NOX4: variants seen among roughly 807,000 people sequenced by gnomAD.
The protein encoded by NOX4 is kidney oxidase-1.
Under a neutral mutation model 87.6 loss-of-function variants are expected in NOX4, and 69 were observed. The ratio of observed to expected loss-of-function variants is 0.79; its 90% CI spans 0.65 to 0.96. The LOEUF is 0.96. Ranked by LOEUF, NOX4 falls within the 40% of genes least tolerant of loss-of-function variation. NOX4 has a pLI of 0.00. For missense variants in NOX4, 680 were observed against 681.5 expected (o/e 1.00, Z 0.02); for synonymous variants, 275 against 238.2 (o/e 1.15, Z -1.42).
Position 89,361,493 on chromosome 11 carries a change from A to G in NOX4, c.1136-6450T>C, listed in dbSNP as rs145250221. Among the ~76,000 whole-genome samples, 103 of 152,208 alleles carry G rather than the reference A, an allele frequency of 6.8e-4. No homozygotes were observed. In the East Asian group the frequency reaches 0.018, roughly 26 times the overall value. ...AGTCGGGTGAGGGATAAAAAACTAC[A>G]TATTGGGTACAGTGTACATTGCTTG... On this transcript the variant is annotated intron_variant, in intron 12 of 17. Transcript: ENST00000263317.
Position 89,325,237 on chromosome 11 carries a change from C to T in NOX4, c.*1519G>A, listed in dbSNP as rs1250509832. 6.9e-6 allele frequency: 1 copy of T among 145,924 alleles called. No homozygotes were observed. The highest frequency in any genetic ancestry group is 2.6e-5 in the African/African-American group (1 of 38,932). 9.0% of individuals were successfully genotyped at this position (145,924 alleles called of 1,614,324 possible). A position where few individuals can be genotyped will look rare whatever the true frequency, so the allele number is the denominator to read the frequency against. On this transcript the variant is annotated 3_prime_UTR_variant, in exon 18 of 18. Coordinates refer to ENST00000263317, the MANE Select transcript of NOX4 (RefSeq NM_016931.5). ...CCCACCGGGTTCAAGCGATTCTTTG[C>T]CTCAGTCTCCCGAGTAGTTGGGATT... is the stretch of plus-strand genomic sequence containing the variant.
chr11:89,391,430 T>A (rs376067957), intron 11 of NOX4, among the ~76,000 whole-genome samples: 2 of 151,730 alleles, frequency 1.3e-5, no homozygotes, highest in East Asian at 3.9e-4. Context: ...AGTGGGAAAA[T>A]GAGAAAGCAT....
At chr11:89,351,313 G>T (rs771436702) in intron 13 of NOX4, among the ~76,000 whole-genome samples, 1 of 152,154 alleles carries the variant, frequency 6.6e-6, no homozygotes, top group South Asian at 2.1e-4. Context: ...TAGAAGAAGT[G>T]GTTCATGAGG....
intron 5 of NOX4, among the ~76,000 whole-genome samples, chr11:89,442,163 A>T (rs1410048855): frequency 6.6e-6 from 1 of 151,638 alleles, no homozygotes; most frequent in Non-Finnish European, 1.5e-5. Flanking sequence ...ATAAAGAGAG[A>T]CATGAAAGAA....
intron 14 of NOX4, among the ~76,000 whole-genome samples, chr11:89,340,878 C>T (rs1426934186): frequency 6.6e-6 from 1 of 151,912 alleles, no homozygotes; most frequent in Non-Finnish European, 1.5e-5. Context: ...TAAGAACCGC[C>T]AGAAAGTACC....
chr11:89,528,686 G>A, the NOX4 span, among the ~76,000 whole-genome samples: 265 of 152,138 alleles, frequency 1.7e-3, 3 homozygotes, highest in Middle Eastern at 0.02. Flanking sequence ...TGCCATGATT[G>A]TAAATTTCCT....
chr11:89,561,790 C>A, the NOX4 span, among the ~76,000 whole-genome samples: 1 of 152,016 alleles, frequency 6.6e-6, no homozygotes, highest in African/African-American at 2.4e-5. Context: ...CAAGCAAATC[C>A]ATAGAATGTC....
chr11:89,555,855 G>T, the NOX4 span, among the ~76,000 whole-genome samples: 1 of 152,012 alleles, frequency 6.6e-6, no homozygotes, highest in Non-Finnish European at 1.5e-5. Context: ...ATATATGCAG[G>T]GTATATACAG....
rs573308923 is a variant in NOX4 at position 89,435,414 on chromosome 11, G to C, written c.476-2558C>G. Among the ~76,000 whole-genome samples the C allele has an allele frequency of 2.6e-4, 40 of 152,144 alleles. No individual in the cohort carries two copies. In the South Asian group the frequency reaches 7.7e-3, roughly 29 times the overall value. ...TCGAAAGAACACCTGGAAAAATGGA[G>C]TATGTTTAGAATAGAGCCACAATTT... is the stretch of plus-strand genomic sequence containing the variant. On this transcript the variant is annotated intron_variant, in intron 6 of 17. Coordinates refer to ENST00000263317, the MANE Select transcript of NOX4 (RefSeq NM_016931.5).
chr11:89,387,675 T>G (rs1305279665), intron 11 of NOX4, among the ~76,000 whole-genome samples: 1 of 152,194 alleles, frequency 6.6e-6, no homozygotes, highest in Non-Finnish European at 1.5e-5. Context: ...TGAGAATCCA[T>G]GAAATTAGTA....
chr11:89,361,227 A>C (rs1938495819), intron 12 of NOX4, among the ~76,000 whole-genome samples: 2 of 152,130 alleles, frequency 1.3e-5, no homozygotes, highest in Non-Finnish European at 2.9e-5. Context: ...CAAGTAGATA[A>C]AGAAAATGTG....
chr11:89,570,165 A>T, the NOX4 span, among the ~76,000 whole-genome samples: 1 of 152,274 alleles, frequency 6.6e-6, no homozygotes, highest in African/African-American at 2.4e-5. Context: ...ATGGAATATT[A>T]CGCAGTCATA....
In NOX4 at chr11:89,426,370, T is replaced by C. The variant is rs550291988; in HGVS notation, c.549-4388A>G. Among the ~76,000 whole-genome samples, 6 of 151,898 alleles carry C rather than the reference T, an allele frequency of 4.0e-5. No individual in the cohort carries two copies. The South Asian group carries it at 1.2e-3, about 32-fold the overall frequency. On this transcript the variant is annotated intron_variant, in intron 7 of 17. Transcript: ENST00000263317. ...CATCTCACTAGGGCTTGTCAGACAG[T>C]GGGTACAGGACAGTGGGTACAGCCC... is the stretch of plus-strand genomic sequence containing the variant.
At chr11:89,553,195 G>C in the NOX4 span, among the ~76,000 whole-genome samples, 2 of 152,110 alleles carry the variant, frequency 1.3e-5, no homozygotes, top group African/African-American at 4.8e-5. Context: ...CTCATCTCCA[G>C]CTGTAATCCA....
the NOX4 span, among the ~76,000 whole-genome samples, chr11:89,513,047 G>T: frequency 6.6e-6 from 1 of 152,104 alleles, no homozygotes; most frequent in African/African-American, 2.4e-5. Context: ...TCGGCTGGGT[G>T]CAGTGGCTCA....
At chr11:89,496,736 A>G (rs546808591), upstream of NOX4, among the ~76,000 whole-genome samples, 1 of 152,308 alleles carries the variant, frequency 6.6e-6, no homozygotes, top group East Asian at 1.9e-4. Context: ...TACAAAATAA[A>G]TGTAAGAAAT....
At chr11:89,471,080 T>A (rs1442224531) in intron 2 of NOX4, among the ~76,000 whole-genome samples, 1 of 152,194 alleles carries the variant, frequency 6.6e-6, no homozygotes, top group Non-Finnish European at 1.5e-5. Context: ...ATCTCCACCC[T>A]CACTTATAAC....
intron 12 of NOX4, among the ~76,000 whole-genome samples, chr11:89,367,604 C>G (rs1939104345): frequency 6.6e-6 from 1 of 152,022 alleles, no homozygotes; most frequent in Non-Finnish European, 1.5e-5. Context: ...AAGATAAAGT[C>G]TTCCATTTGC....
At chr11:89,383,390 CT>C (rs1940443468) in intron 11 of NOX4, among the ~76,000 whole-genome samples, 2 of 152,198 alleles carry the variant, frequency 1.3e-5, no homozygotes, top group African/African-American at 4.8e-5. Context: ...CCCAGAGCCC[CT>C]GGAACTCTGG....
Sources: allele counts gnomAD v4.1 joint callset (sites outside exome capture counted in the v4.1 genomes callset), GRCh38; gene constraint gnomAD v4.1.1; transcripts MANE v1.5; gene names NCBI Gene and HGNC (gene_info 2026-07-23, HGNC 2026-07-21).